RORC: variants seen among roughly 807,000 people sequenced by gnomAD.
RORC encodes nuclear receptor ROR-gamma.
RORC carries 13 observed loss-of-function variants against 64.5 expected under a neutral mutation model. That is an observed-to-expected ratio of 0.20 (90% CI 0.13 to 0.32). The LOEUF (loss-of-function observed/expected upper bound fraction) is 0.32, where lower values mean the gene tolerates loss of function less well. RORC is among the 10% of genes least tolerant of loss of function. RORC has a pLI of 1.00. For synonymous variants in RORC, 277 were observed against 259.3 expected, an observed-to-expected ratio of 1.07 and a Z score of -0.65; for missense variants, 468 against 669.5, an observed-to-expected ratio of 0.70 and a Z score of 3.32.
rs947510991 is a variant in RORC at position 151,830,438 on chromosome 1, G to C, written c.41-980C>G. ...CCTAGCCAGGGAGCCCCTGGAAAGA[G>C]GATTCCCCTGCCAGACCTTGGCCCA... On this transcript the variant is annotated intron_variant, in intron 1 of 10. Coordinates refer to ENST00000318247, the MANE Select transcript of RORC (RefSeq NM_005060.4). This position sits in a 1 kb window ranked among gnomAD's most constrained non-coding sequence, Gnocchi z 4.0. 1.3e-5 allele frequency among the ~76,000 whole-genome samples: 2 copies of C among 151,978 alleles called. No homozygotes were observed. Among genetic ancestry groups the C allele is most frequent in the Non-Finnish European group, 2.9e-5 (2 of 67,972 alleles).
chr1:151,818,212 C>G (rs999867456), intron 2 of RORC, among the ~76,000 whole-genome samples: 1 of 152,150 alleles, frequency 6.6e-6, no homozygotes, highest in Non-Finnish European at 1.5e-5. Context: ...GTTCTGTGTA[C>G]CTGTCTTTTC....
chr1:151,825,919 C>T, intron 2 of RORC: 1 of 1,613,848 alleles, frequency 6.2e-7, no homozygotes, highest in South Asian at 1.1e-5. Flanking sequence ...CAGGTGGCCC[C>T]ATTCACTTAC....
chr1:151,825,401 G>A (rs539696013), intron 2 of RORC, among the ~76,000 whole-genome samples: 21 of 152,200 alleles, frequency 1.4e-4, no homozygotes, highest in Middle Eastern at 3.2e-3. Flanking sequence ...AGGCCTGGAC[G>A]CGGGGATTCT....
chr1:151,825,779 C>T (rs1652170763), intron 2 of RORC: 3 of 820,140 alleles, frequency 3.7e-6, no homozygotes, highest in Non-Finnish European at 5.7e-6. Flanking sequence ...TCCCCAGCTG[C>T]TCCACCCATC....
chr1:151,814,219 G>A, intron 6 of RORC: 1 of 224,930 alleles, frequency 4.4e-6, no homozygotes, highest in South Asian at 8.6e-5. Flanking sequence ...TTAGCACAAT[G>A]CCTGGCAGAG....
intron 10 of RORC, among the ~76,000 whole-genome samples, chr1:151,808,146 C>G (rs1027324301): frequency 6.6e-6 from 1 of 152,174 alleles, no homozygotes; most frequent in Admixed American, 6.5e-5. Context: ...AATTTGTCTG[C>G]CTTCCCACCC....
At position 151,813,152 on chromosome 1, in the gene RORC, C is replaced by T. The variant is rs79662743; in HGVS notation, c.1174+87G>A. 4,297 of 1,462,458 alleles carry T rather than the reference C, an allele frequency of 2.9e-3. 92 individuals carry two copies. In the African/African-American group the frequency reaches 0.046, roughly 16 times the overall value. 90.6% of individuals were successfully genotyped at this position (1,462,458 alleles called of 1,614,324 possible). On this transcript the variant is annotated intron_variant, in intron 8 of 10. Transcript: ENST00000318247. The stretch of plus-strand genomic sequence containing the variant: ...TGTGTTTAGAGCAGAGGGGGCAATT[C>T]GCCCTGAAAAGAGGGTGCCCTGGGT...
chr1:151,823,490 C>T (rs1652072457), intron 2 of RORC, among the ~76,000 whole-genome samples: 1 of 152,200 alleles, frequency 6.6e-6, no homozygotes, highest in African/African-American at 2.4e-5. Flanking sequence ...TTGTCAGAGC[C>T]ACCCTACTTC....
At chr1:151,821,060 A>T (rs1311069102) in intron 2 of RORC, among the ~76,000 whole-genome samples, 1 of 152,220 alleles carries the variant, frequency 6.6e-6, no homozygotes, top group Non-Finnish European at 1.5e-5. Flanking sequence ...GGAGCATCCT[A>T]GTAGCTCCTC....
At position 151,815,067 on chromosome 1, in the gene RORC, G is replaced by A. The variant is rs770016724; in HGVS notation, c.657C>T (p.Ser219=). 1 of 1,614,240 alleles carries A rather than the reference G, an allele frequency of 6.2e-7. No homozygotes were observed. The highest frequency in any genetic ancestry group is 1.7e-5 in the Admixed American group (1 of 60,032). Residue 219 remains serine (S), a synonymous_variant, in exon 5 of 11, where the codon AGC becomes AGT. Transcript: ENST00000318247. Reference sequence around the variant, plus strand: ...GGTCAGGGGTCAGCTGGCTGCCTGTGCTATAGAAGCTCTCTCTGCCCTCAG... The same window carrying A: ...GGTCAGGGGTCAGCTGGCTGCCTGTACTATAGAAGCTCTCTCTGCCCTCAG... ...GKAEGRESFY[S]TGSQLTPDRC...
chr1:151,821,974 A>G (rs1412772800), intron 2 of RORC, among the ~76,000 whole-genome samples: 1 of 152,022 alleles, frequency 6.6e-6, no homozygotes, highest in African/African-American at 2.4e-5. Context: ...CTTATATATC[A>G]ACAACAGGGT....
intron 4 of RORC, 96 bp from the exon 5 acceptor site, chr1:151,815,521 G>T: frequency 6.9e-7 from 1 of 1,439,714 alleles, no homozygotes; most frequent in Non-Finnish European, 9.2e-7. Context: ...TTAACTTGCT[G>T]CTCTCTGAAT....
chr1:151,829,434 TG>T lies in RORC; in HGVS notation c.64del (p.His22ThrfsTer7). 1 of 1,536,850 alleles carries T rather than the reference TG, an allele frequency of 6.5e-7. No individual in the cohort carries two copies. The highest frequency in any genetic ancestry group is 8.7e-7 in the Non-Finnish European group (1 of 1,149,588). On this transcript the variant is annotated frameshift_variant, in exon 2 of 11. Transcript: ENST00000318247. LOFTEE classifies it high-confidence loss of function. ...SRELLAAKKT[H>X]TSQIEVIPCK... ...GCCCCGGACCCCCTACTCACAGGTG[TG>T]GGTCTTCTTTGCAGCCAGCAGCTCT... is the stretch of plus-strand genomic sequence containing the variant.
In RORC at chr1:151,826,749, CATA is replaced by C. The variant is rs1248339975; in HGVS notation, c.70+2677_70+2679del. Among the ~76,000 whole-genome samples, 5 of 152,308 alleles carry C rather than the reference CATA, an allele frequency of 3.3e-5. No homozygotes were observed. The East Asian group carries it at 5.8e-4, about 18-fold the overall frequency. On this transcript the variant is annotated intron_variant, in intron 2 of 10. Coordinates refer to ENST00000318247, the MANE Select transcript of RORC (RefSeq NM_005060.4). The stretch of plus-strand genomic sequence containing the variant: ...TCATCACCATCATCATACTCATAAT[CATA>C]ATAATAGTGCTTACTATTATGTGTC...
chr1:151,821,068 CT>C (rs1299994827), intron 2 of RORC, among the ~76,000 whole-genome samples: 4 of 152,216 alleles, frequency 2.6e-5, no homozygotes, highest in Admixed American at 2.6e-4. Flanking sequence ...CTAGTAGCTC[CT>C]CCTATGAGGG....
chr1:151,829,598 C>A, intron 1 of RORC, 140 bp from the exon 2 acceptor site: 1 of 692,916 alleles, frequency 1.4e-6, no homozygotes, highest in Non-Finnish European at 2.3e-6. Flanking sequence ...CCACCCCCTG[C>A]AGTGCCCCTC....
At position 151,807,310 on chromosome 1, in the gene RORC, G is replaced by A. The variant is rs200662200; in HGVS notation, c.*162C>T. The A allele has an allele frequency of 2.5e-5, 16 of 628,948 alleles. No homozygotes were observed. Among genetic ancestry groups the A allele is most frequent in the African/African-American group, 9.2e-5 (5 of 54,358 alleles). The allele number at this position is 628,948 out of a possible 1,614,324, so 39.0% of individuals were successfully genotyped here. The stretch of plus-strand genomic sequence containing the variant: ...CTGGCGATTGTCCCACTGCCAGGCC[G>A]GCCTGCTGACAGAAAGCCAGCCGCA... On this transcript the variant is annotated 3_prime_UTR_variant, in exon 11 of 11. Coordinates refer to ENST00000318247, the MANE Select transcript of RORC (RefSeq NM_005060.4). The surrounding 1 kb of genome is among the most constrained non-coding windows in gnomAD (Gnocchi z 5.0).
In RORC at chr1:151,830,659, C is replaced by CACACACACACAA. The variant is rs59443678; in HGVS notation, c.40+1065_40+1066insTTGTGTGTGTGT. Among the ~76,000 whole-genome samples, 12 of 139,150 alleles carry CACACACACACAA rather than the reference C, an allele frequency of 8.6e-5. No individual in the cohort carries two copies. The highest frequency in any genetic ancestry group is 4.4e-4 in the East Asian group (2 of 4,570). The allele number at this position is 139,150 out of a possible 152,430, so 91.3% of individuals were successfully genotyped here. ...ACACACACACACACACACACACACA[C>CACACACACACAA]ACAGTGCCCTTCTGCCCGGGAGATG... On this transcript the variant is annotated intron_variant, in intron 1 of 10. Coordinates refer to ENST00000318247, the MANE Select transcript of RORC (RefSeq NM_005060.4). This position sits in a 1 kb window ranked among gnomAD's most constrained non-coding sequence, Gnocchi z 4.0.
intron 2 of RORC, among the ~76,000 whole-genome samples, chr1:151,825,525 A>G (rs551146315): frequency 6.6e-6 from 1 of 150,658 alleles, no homozygotes; most frequent in East Asian, 1.9e-4. Flanking sequence ...AGAGGGAAAC[A>G]CCGTAACAAG....
Sources: gnomAD v4.1 joint callset for allele counts (sites outside exome capture counted in the v4.1 genomes callset) on GRCh38, gnomAD v4.1.1 for gene constraint, Gnocchi (gnomAD v3.1) non-coding constraint, MANE v1.5 for transcripts, NCBI Gene and HGNC (gene_info 2026-07-23, HGNC 2026-07-21) for gene names.